Variants in NRXN3 observed in about 807,000 individuals in gnomAD.
NRXN3 encodes the protein neurexin 3, also known as neurexin III.
Under a neutral mutation model 137.6 loss-of-function variants are expected in NRXN3, and 32 were observed. That is an observed-to-expected ratio of 0.23 (90% CI 0.18 to 0.31). NRXN3 has a LOEUF of 0.31. NRXN3 is among the 10% of genes least tolerant of loss of function. The pLI is 1.00. For missense variants in NRXN3, 1,574 were observed against 2,062.5 expected, an observed-to-expected ratio of 0.76 and a Z score of 4.59; for synonymous variants, 798 against 784.5, an observed-to-expected ratio of 1.02 and a Z score of -0.29.
intron 4 of NRXN3, among the ~76,000 whole-genome samples, chr14:78,513,865 C>T (rs2096156330): frequency 6.6e-6 from 1 of 152,070 alleles, no homozygotes; most frequent in Admixed American, 6.6e-5. Context: ...GTTATTTCAT[C>T]AGTTTTTCCC....
intron 19 of NRXN3, among the ~76,000 whole-genome samples, chr14:79,745,180 T>A (rs1432426482): frequency 6.6e-6 from 1 of 152,128 alleles, no homozygotes; most frequent in Non-Finnish European, 1.5e-5. Flanking sequence ...ATTTCATTGC[T>A]CAGTGATGCC....
chr14:79,508,253 C>T (rs1216686147), intron 16 of NRXN3, among the ~76,000 whole-genome samples: 1 of 151,942 alleles, frequency 6.6e-6, no homozygotes, highest in African/African-American at 2.4e-5. Flanking sequence ...AATGTATCTT[C>T]AGTAAATGAT....
At chr14:78,643,045 C>T (rs1301033822) in intron 4 of NRXN3, among the ~76,000 whole-genome samples, 1 of 152,196 alleles carries the variant, frequency 6.6e-6, no homozygotes, top group Admixed American at 6.5e-5. Context: ...AACTTGATCT[C>T]TTCTTTAACT....
chr14:78,322,659 A>G (rs767066798), intron 4 of NRXN3, among the ~76,000 whole-genome samples: 3 of 151,960 alleles, frequency 2.0e-5, no homozygotes, highest in Non-Finnish European at 4.4e-5. Context: ...GGTACTTCAC[A>G]GTTTGGCTAA....
Position 78,243,358 on chromosome 14 carries a change from T to C in NRXN3, c.265T>C (p.Phe89Leu). ...GGTGGATGGCCGCGTTCAGCTCCGC[T>C]TCAGCATGGACTGTGCCGAGACTGC... ...SLVDGRVQLR[F>L]SMDCAETAVL... is the part of the protein sequence containing the mutation. The change falls in exon 2 of 21, where the codon TTC becomes CTC. Residue 89 changes from phenylalanine to leucine, a missense_variant. Physicochemically the swap from Phe to Leu is conservative, Grantham distance 22. This residue lies in a region of NRXN3 where 400 missense variants were observed against 527.3 expected (regional missense o/e 0.76). Transcript: ENST00000335750. The surrounding 1 kb of genome is among the most constrained non-coding windows in gnomAD (Gnocchi z 4.2). 1.3e-6 allele frequency: 2 copies of C among 1,562,738 alleles called. No individual in the cohort carries two copies. Among genetic ancestry groups the C allele is most frequent in the Non-Finnish European group, 1.7e-6 (2 of 1,161,674 alleles).
At chr14:78,998,601 T>C (rs1435011079) in intron 15 of NRXN3, among the ~76,000 whole-genome samples, 5 of 107,560 alleles carry the variant, frequency 4.6e-5, no homozygotes, top group Non-Finnish European at 7.8e-5. Flanking sequence ...TACATTAAAT[T>C]TTTTTTTTTT....
intron 1 of NRXN3, among the ~76,000 whole-genome samples, chr14:78,224,822 A>G (rs2064319825): frequency 8.3e-6 from 1 of 120,622 alleles, no homozygotes; most frequent in Non-Finnish European, 1.6e-5. Context: ...TGCGGACTGC[A>G]GTGGCGCAAT....
intron 4 of NRXN3, among the ~76,000 whole-genome samples, chr14:78,383,758 T>A (rs2089521068): frequency 6.6e-6 from 1 of 152,170 alleles, no homozygotes; most frequent in Admixed American, 6.5e-5. Context: ...AATGTCTACC[T>A]TGAGAGCAGA....
chr14:78,698,398 A>G (rs2098248226), intron 6 of NRXN3: 1 of 151,920 alleles, frequency 6.6e-6, no homozygotes, highest in South Asian at 2.1e-4. Flanking sequence ...ATTGTCATCT[A>G]TTTTCTTTCA....
chr14:78,900,177 A>G (rs1395161049), intron 10 of NRXN3, among the ~76,000 whole-genome samples: 1 of 151,990 alleles, frequency 6.6e-6, no homozygotes, highest in East Asian at 1.9e-4. Flanking sequence ...TTTTTTAAAA[A>G]ATCACAACAC....
intron 15 of NRXN3, among the ~76,000 whole-genome samples, chr14:79,343,773 T>C (rs925333619): frequency 4.6e-5 from 7 of 152,314 alleles, no homozygotes; most frequent in African/African-American, 1.4e-4. Context: ...TGGGTTGATA[T>C]AGTTTACCTG....
At chr14:78,616,768 A>C (rs8017659) in intron 4 of NRXN3, among the ~76,000 whole-genome samples, 20,921 of 152,250 alleles carry the variant, frequency 0.14, 2,004 homozygotes, top group African/African-American at 0.27. Flanking sequence ...ATTCCTAATT[A>C]CCTTTGGTTT....
chr14:78,719,568 G>T (rs940595930), intron 8 of NRXN3, among the ~76,000 whole-genome samples: 3 of 152,320 alleles, frequency 2.0e-5, no homozygotes, highest in African/African-American at 7.2e-5. Flanking sequence ...GAGGCCAGGA[G>T]TGGTGGCTCA....
At chr14:78,200,783 T>C (rs1031527737) in intron 1 of NRXN3, among the ~76,000 whole-genome samples, 8 of 152,200 alleles carry the variant, frequency 5.3e-5, no homozygotes, top group South Asian at 2.1e-4. Context: ...TGGGTCTAGC[T>C]ACTCCCCTCA....
At chr14:79,257,700 T>A (rs1234881034) in intron 15 of NRXN3, among the ~76,000 whole-genome samples, 2 of 150,786 alleles carry the variant, frequency 1.3e-5, no homozygotes, top group Non-Finnish European at 3.0e-5. Flanking sequence ...ATTTGAGAAG[T>A]AAGACAAATT....
rs112444835 is a variant in NRXN3, at chr14:79,256,703, G to A, written c.3263-210518G>A. On this transcript the variant is annotated intron_variant, in intron 15 of 20. Transcript: ENST00000335750. ...TTTTGGACAGCCTGTTCTGCCAGAA[G>A]CAGAGCAGGTGGCTTTCTCTCGGGT... Among the ~76,000 whole-genome samples, 756 of 152,334 alleles carry A rather than the reference G, an allele frequency of 5.0e-3. 2 individuals carry two copies. The highest frequency in any genetic ancestry group is 7.2e-3 in the Non-Finnish European group (488 of 68,026).
At chr14:79,735,096 C>T (rs567347587) in intron 19 of NRXN3, among the ~76,000 whole-genome samples, 1 of 152,268 alleles carries the variant, frequency 6.6e-6, no homozygotes, top group South Asian at 2.1e-4. Flanking sequence ...CTATTTAACA[C>T]CCTATTTCTA....
chr14:79,290,201 T>C (rs1361801209), intron 15 of NRXN3, among the ~76,000 whole-genome samples: 1 of 152,212 alleles, frequency 6.6e-6, no homozygotes, highest in East Asian at 1.9e-4. Flanking sequence ...CCTGTTCCTG[T>C]AGTTTACAGA....
intron 10 of NRXN3, among the ~76,000 whole-genome samples, chr14:78,945,575 G>A (rs1312421944): frequency 1.3e-5 from 2 of 152,120 alleles, no homozygotes; most frequent in East Asian, 3.8e-4. Context: ...GGCTACCCAG[G>A]TTTAGTTCCA....
Sources: allele counts gnomAD v4.1 joint callset (sites outside exome capture counted in the v4.1 genomes callset), GRCh38; gene constraint gnomAD v4.1.1; regional missense constraint gnomAD v4.1.1; non-coding constraint Gnocchi (gnomAD v3.1); transcripts MANE v1.5; gene names NCBI Gene and HGNC (gene_info 2026-07-23, HGNC 2026-07-21).